PPFIA4: variants seen among roughly 807,000 people sequenced by gnomAD.
The protein encoded by PPFIA4 is PPFI scaffold protein A4.
A neutral mutation model predicts 145.7 loss-of-function variants in PPFIA4; 98 were observed. The observed-to-expected ratio is 0.67, with a 90% CI of 0.57 to 0.80. The LOEUF is 0.80. Ranked by LOEUF, PPFIA4 falls within the 30% of genes least tolerant of loss-of-function variation. PPFIA4 has a pLI of 0.00. For synonymous variants in PPFIA4, 628 were observed against 649.6 expected, an observed-to-expected ratio of 0.97 and a Z score of 0.51; for missense variants, 1,457 against 1,632.7, an observed-to-expected ratio of 0.89 and a Z score of 1.85.
chr1:203,046,354 T>A lies in PPFIA4; in HGVS notation c.1112T>A (p.Leu371Gln). ...AETLPEVEAE[L>Q]AQRIAALTKA... The stretch of plus-strand genomic sequence containing the variant: ...ACGCTGCCAGAGGTGGAGGCTGAGC[T>A]GGCCCAGAGAATTGCAGCCCTCACC... Residue 371 changes from leucine (L) to glutamine (Q), a missense_variant, in exon 9 of 30, where the codon CTG becomes CAG. Around this residue, in one of 3 missense-constraint regions of PPFIA4, gnomAD observed 848 missense variants for 1,046.7 expected, o/e 0.81. Transcript: ENST00000295706. 1 of 1,590,764 alleles carries A rather than the reference T, an allele frequency of 6.3e-7. No individual in the cohort carries two copies. The highest frequency in any genetic ancestry group is 8.5e-7 in the Non-Finnish European group (1 of 1,169,622).
At chr1:203,027,659 A>G (rs1199734282) in intron 1 of PPFIA4, among the ~76,000 whole-genome samples, 1 of 152,156 alleles carries the variant, frequency 6.6e-6, no homozygotes, top group Non-Finnish European at 1.5e-5. Context: ...TCTGGTACCT[A>G]GTACTTTGCT....
chr1:203,050,375 G>T (rs1403650713), intron 13 of PPFIA4, among the ~76,000 whole-genome samples: 2 of 152,182 alleles, frequency 1.3e-5, no homozygotes, highest in Admixed American at 6.5e-5. Flanking sequence ...GGAGCGATGG[G>T]TATTGAATTC....
In PPFIA4 at chr1:203,039,027, A is replaced by G. The variant is rs1659496239; in HGVS notation, c.19A>G (p.Thr7Ala). 2 of 1,553,742 alleles carry G rather than the reference A, an allele frequency of 1.3e-6. No homozygotes were observed. The highest frequency in any genetic ancestry group is 1.7e-6 in the Non-Finnish European group (2 of 1,154,970). The change falls in exon 2 of 30, where the codon ACA (threonine) becomes GCA (alanine). Residue 7 changes from threonine to alanine, a missense_variant. Coordinates refer to ENST00000295706, the MANE Select transcript of PPFIA4 (RefSeq NM_001304331.2). MCEVMP[T>A]INEGDRLGPP... ...CCCCACCATGTGTGAGGTGATGCCC[A>G]CAATCAATGAGGGGGACCGCCTGGG...
rs998505489 is a variant in PPFIA4, at chr1:203,055,822, G to A, written c.2070+150G>A. On this transcript the variant is annotated intron_variant, in intron 16 of 29. Coordinates refer to ENST00000295706, the MANE Select transcript of PPFIA4 (RefSeq NM_001304331.2). This position sits in a 1 kb window ranked among gnomAD's most constrained non-coding sequence, Gnocchi z 4.8. Reference sequence around the variant, plus strand: ...CCCCGACATGTCAGGCCACCAGCCTGTCCTTCTGGGTTTGGGAAGGGCCTA... The same window carrying A: ...CCCCGACATGTCAGGCCACCAGCCTATCCTTCTGGGTTTGGGAAGGGCCTA... 30 of 1,288,662 alleles carry A rather than the reference G, an allele frequency of 2.3e-5. No individual in the cohort carries two copies. The East Asian group carries it at 6.7e-4, about 29-fold the overall frequency. The allele number at this position is 1,288,662 out of a possible 1,614,324, so 79.8% of individuals were successfully genotyped here. A position where few individuals can be genotyped will look rare whatever the true frequency, so the allele number is the denominator to read the frequency against.
intron 1 of PPFIA4, among the ~76,000 whole-genome samples, chr1:203,030,257 G>A (rs1415982051): frequency 6.6e-6 from 1 of 152,098 alleles, no homozygotes; most frequent in Non-Finnish European, 1.5e-5. Flanking sequence ...TGTGACCTCC[G>A]AGAGCCCTTC....
Position 203,060,206 on chromosome 1 carries a change from G to A in PPFIA4, c.2584-11G>A, listed in dbSNP as rs752925198. 8 of 1,612,876 alleles carry A rather than the reference G, an allele frequency of 5.0e-6. No homozygotes were observed. Among genetic ancestry groups the A allele is most frequent in the Non-Finnish European group, 6.8e-6 (8 of 1,179,634 alleles). The stretch of plus-strand genomic sequence containing the variant: ...GGCCTTGAATTACCTCCCTGTGCCC[G>A]GTGTCTGCAGCTCTGGGTGGGGATG... On this transcript the variant is annotated splice_polypyrimidine_tract_variant and intron_variant, in intron 21 of 29. Transcript: ENST00000295706. This position sits in a 1 kb window ranked among gnomAD's most constrained non-coding sequence, Gnocchi z 4.8.
intron 28 of PPFIA4, among the ~76,000 whole-genome samples, 158 bp downstream of exon 28, chr1:203,071,918 G>A (rs1375365581): frequency 1.3e-5 from 2 of 152,130 alleles, no homozygotes; most frequent in East Asian, 1.9e-4. Context: ...TTGAGGAGGT[G>A]GACCAGCCCT....
At chr1:203,045,724 G>A in intron 7 of PPFIA4, 117 bp from the exon 8 acceptor site, 2 of 1,508,112 alleles carry the variant, frequency 1.3e-6, no homozygotes, top group Non-Finnish European at 9.0e-7. Flanking sequence ...ACTGACAGGA[G>A]AGTGTAGCTC....
At chr1:203,067,560 G>A in intron 25 of PPFIA4, 135 bp from the exon 26 acceptor site, 1 of 708,290 alleles carries the variant, frequency 1.4e-6, no homozygotes, top group Non-Finnish European at 2.5e-6. Context: ...GGAAGGAGGA[G>A]CATGAGGAGG....
Position 203,048,562 on chromosome 1 carries a change from G to A in PPFIA4, c.1225-21G>A, listed in dbSNP as rs1256697353. On this transcript the variant is annotated intron_variant, in intron 10 of 29. Transcript: ENST00000295706. The surrounding 1 kb of genome is among the most constrained non-coding windows in gnomAD (Gnocchi z 5.8). ...GTCCTCCCTGGGAGGGCGGCCTGGT[G>A]CGAGGCAGACGGCTGTGCAGGTGCG... The A allele has an allele frequency of 6.4e-7, 1 of 1,565,084 alleles. No homozygotes were observed. The highest frequency in any genetic ancestry group is 8.7e-7 in the Non-Finnish European group (1 of 1,155,946).
At position 203,056,834 on chromosome 1, in the gene PPFIA4, A is replaced by ACTCC; in HGVS notation, c.2294_2297dup (p.His767ProfsTer74). On this transcript the variant is annotated frameshift_variant, in exon 19 of 30. Coordinates refer to ENST00000295706, the MANE Select transcript of PPFIA4 (RefSeq NM_001304331.2). LOFTEE classifies it high-confidence loss of function. The stretch of plus-strand genomic sequence containing the variant: ...CCCAGCAGCAGCAACAGCAGCCAGG[A>ACTCC]CTCCCTGCACAAGGGCGCCAAGCGC... 6.2e-7 allele frequency: 1 copy of ACTCC among 1,613,830 alleles called. No homozygotes were observed. Among genetic ancestry groups the ACTCC allele is most frequent in the Non-Finnish European group, 8.5e-7 (1 of 1,179,844 alleles).
Position 203,068,511 on chromosome 1 carries a change from G to C in PPFIA4, c.3207G>C (p.Arg1069=), listed in dbSNP as rs752021124. The C allele has an allele frequency of 1.2e-6, 2 of 1,608,578 alleles. No individual in the cohort carries two copies. Among genetic ancestry groups the C allele is most frequent in the African/African-American group, 1.3e-5 (1 of 74,540 alleles). ...ATTGGGTCCAGTCTATTGGGCTCCGGGACTACGCAGGAAACCTGCATGAGA... is the reference window on the plus strand; with the variant it reads ...ATTGGGTCCAGTCTATTGGGCTCCGCGACTACGCAGGAAACCTGCATGAGA... ...VVHWVQSIGL[R]DYAGNLHESG... The change falls in exon 27 of 30, where the codon CGG becomes CGC. Residue 1069 remains arginine (R), a synonymous_variant. Coordinates refer to ENST00000295706, the MANE Select transcript of PPFIA4 (RefSeq NM_001304331.2). The surrounding 1 kb of genome is among the most constrained non-coding windows in gnomAD (Gnocchi z 4.7).
At position 203,053,940 on chromosome 1, in the gene PPFIA4, A is replaced by G. The variant is rs1395046216; in HGVS notation, c.1808A>G (p.Asp603Gly). Reference sequence around the variant, plus strand: ...GCCATGATGCTGCAGGAGCAGCTGGATGCCATCAATGAGGAAATCAGGTTA... The same window carrying G: ...GCCATGATGCTGCAGGAGCAGCTGGGTGCCATCAATGAGGAAATCAGGTTA... ...TLAMMLQEQL[D>G]AINEEIRMIQ... The change falls in exon 15 of 30, where the codon GAT becomes GGT. Residue 603 changes from aspartate (D) to glycine (G), a missense_variant. By Grantham distance (94) the Asp-to-Gly change is moderately conservative. This residue lies in a region of PPFIA4 where 848 missense variants were observed against 1,046.7 expected (regional missense o/e 0.81). Coordinates refer to ENST00000295706, the MANE Select transcript of PPFIA4 (RefSeq NM_001304331.2). 2.6e-6 allele frequency: 4 copies of G among 1,564,834 alleles called. No individual in the cohort carries two copies. Among genetic ancestry groups the G allele is most frequent in the Non-Finnish European group, 3.5e-6 (4 of 1,154,426 alleles).
intron 2 of PPFIA4, among the ~76,000 whole-genome samples, chr1:203,039,681 A>G (rs1049771780): frequency 1.3e-5 from 2 of 152,244 alleles, no homozygotes; most frequent in Non-Finnish European, 2.9e-5. Context: ...ATGGAAGATG[A>G]TAGGCAGGGC....
In PPFIA4 at chr1:203,057,631, ACTAC is replaced by A. The variant is rs537118503; in HGVS notation, c.2407+682_2407+685del. On this transcript the variant is annotated intron_variant, in intron 19 of 29. Coordinates refer to ENST00000295706, the MANE Select transcript of PPFIA4 (RefSeq NM_001304331.2). Reference sequence around the variant, plus strand: ...TTGTTCCACAAACATTTATTGAGTAACTACTGTATGTCTTAGTAACAGGTGCTGA... The same window carrying A: ...TTGTTCCACAAACATTTATTGAGTAATGTATGTCTTAGTAACAGGTGCTGA... Among the ~76,000 whole-genome samples the A allele has an allele frequency of 1.3e-4, 20 of 152,310 alleles. No homozygotes were observed. The Middle Eastern group carries it at 0.014, about 104-fold the overall frequency.
intron 28 of PPFIA4, among the ~76,000 whole-genome samples, chr1:203,073,574 A>G (rs1662318197): frequency 6.6e-6 from 1 of 152,142 alleles, no homozygotes; most frequent in Non-Finnish European, 1.5e-5. Flanking sequence ...ATCATCAGCA[A>G]CCTTGAGTTG....
Position 203,049,718 on chromosome 1 carries a change from G to A in PPFIA4, c.1462G>A (p.Asp488Asn). 1 of 1,590,556 alleles carries A rather than the reference G, an allele frequency of 6.3e-7. No homozygotes were observed. The highest frequency in any genetic ancestry group is 8.6e-7 in the Non-Finnish European group (1 of 1,167,852). ...EEIEKLRQEV[D>N]QLKGRGGPFV... Reference sequence around the variant, plus strand: ...GATTGAGAAGCTGCGCCAAGAGGTGGACCAGCTGAAGGGCCGAGGGGGGCC... The same window carrying A: ...GATTGAGAAGCTGCGCCAAGAGGTGAACCAGCTGAAGGGCCGAGGGGGGCC... The change falls in exon 13 of 30, where the codon GAC (aspartate) becomes AAC (asparagine). Residue 488 changes from aspartate to asparagine, a missense_variant. Asp to Asn is a conservative substitution (Grantham distance 23, BLOSUM62 1). This residue lies in a region of PPFIA4 where 848 missense variants were observed against 1,046.7 expected (regional missense o/e 0.81). Transcript: ENST00000295706.
Position 203,055,577 on chromosome 1 carries a change from G to T in PPFIA4, c.1975G>T (p.Ala659Ser). The T allele has an allele frequency of 1.2e-6, 2 of 1,613,988 alleles. No individual in the cohort carries two copies. Among genetic ancestry groups the T allele is most frequent in the Non-Finnish European group, 1.7e-6 (2 of 1,179,878 alleles). The part of the protein sequence containing the change: ...IPTSLTALSL[A>S]SASPPLSGRS... ...CACCTCTCTGACGGCCCTGTCCCTG[G>T]CCAGCGCGTCCCCACCACTCAGCGG... The change falls in exon 16 of 30, where the codon GCC becomes TCC. Residue 659 changes from alanine to serine, a missense_variant. Coordinates refer to ENST00000295706, the MANE Select transcript of PPFIA4 (RefSeq NM_001304331.2). This position sits in a 1 kb window ranked among gnomAD's most constrained non-coding sequence, Gnocchi z 4.8.
chr1:203,066,354 A>G (rs902326992), intron 25 of PPFIA4, among the ~76,000 whole-genome samples: 3 of 152,184 alleles, frequency 2.0e-5, no homozygotes, highest in Admixed American at 6.5e-5. Flanking sequence ...AAGTGAGGGG[A>G]GAAAAGGAGG....
Sources: gnomAD v4.1 joint callset for allele counts (sites outside exome capture counted in the v4.1 genomes callset) on GRCh38, gnomAD v4.1.1 for gene constraint, gnomAD v4.1.1 regional missense constraint, Gnocchi (gnomAD v3.1) non-coding constraint, MANE v1.5 for transcripts, NCBI Gene and HGNC (gene_info 2026-07-23, HGNC 2026-07-21) for gene names.